PSAT1: variants seen among roughly 807,000 people sequenced by gnomAD.
The protein encoded by PSAT1 is phosphoserine aminotransferase 1, also known as phosphoserine aminotransferase.
A neutral mutation model predicts 40.3 loss-of-function variants in PSAT1; 41 were observed. The ratio of observed to expected loss-of-function variants is 1.02; its 90% confidence interval spans 0.79 to 1.32. PSAT1 has a LOEUF of 1.32. Among genes scored for constraint, PSAT1 ranks in the 40% most tolerant of loss-of-function variants. The probability of loss-of-function intolerance (pLI) is 0.00; values close to 1 mark genes in which losing one functional copy is unlikely to be tolerated. For synonymous variants in PSAT1, 147 were observed against 170.5 expected, an observed-to-expected ratio of 0.86 and a Z score of 1.07; for missense variants, 406 against 455.8, an observed-to-expected ratio of 0.89 and a Z score of 0.99.
intron 7 of PSAT1, among the ~76,000 whole-genome samples, chr9:78,319,548 T>C (rs1433743389): frequency 6.6e-6 from 1 of 152,216 alleles, no homozygotes; most frequent in Non-Finnish European, 1.5e-5. Context: ...TGTGTGAGTT[T>C]GGAGGCCAGG....
intron 7 of PSAT1, among the ~76,000 whole-genome samples, chr9:78,323,765 A>T (rs1028998645): frequency 6.6e-6 from 1 of 152,126 alleles, no homozygotes; most frequent in African/African-American, 2.4e-5. Flanking sequence ...AGATCTTCAT[A>T]TTTTTATTCT....
chr9:78,322,829 G>A (rs1828448885), intron 7 of PSAT1, among the ~76,000 whole-genome samples: 1 of 152,204 alleles, frequency 6.6e-6, no homozygotes, highest in Non-Finnish European at 1.5e-5. Context: ...AAACCCATGA[G>A]ATATGTTTTG....
intron 1 of PSAT1, chr9:78,298,337 C>A: frequency 1.0e-6 from 1 of 984,854 alleles, no homozygotes; most frequent in Non-Finnish European, 1.2e-6. Context: ...AAGTATTTTA[C>A]AATTATCAAT....
chr9:78,306,025 A>G (rs1338768587), intron 4 of PSAT1, among the ~76,000 whole-genome samples: 4 of 152,138 alleles, frequency 2.6e-5, no homozygotes, highest in East Asian at 3.9e-4. Context: ...AGCCTCCTAA[A>G]TATCTGGGAC....
chr9:78,327,598 G>A (rs548579941), intron 7 of PSAT1, among the ~76,000 whole-genome samples: 1 of 152,246 alleles, frequency 6.6e-6, no homozygotes, highest in East Asian at 1.9e-4. Context: ...ATACACCATG[G>A]TAAGTCCTTT....
intron 6 of PSAT1, among the ~76,000 whole-genome samples, chr9:78,315,157 A>T (rs75134315): frequency 0.018 from 2,786 of 152,290 alleles, 83 homozygotes; most frequent in African/African-American, 0.062. Flanking sequence ...GTGTGTGGTG[A>T]TAGCTCTGCA....
At chr9:78,319,250 G>T (rs1375492425) in intron 7 of PSAT1, among the ~76,000 whole-genome samples, 1 of 152,190 alleles carries the variant, frequency 6.6e-6, no homozygotes, top group Non-Finnish European at 1.5e-5. Context: ...CCCATGGGCG[G>T]GCAGTGCTGG....
At chr9:78,311,384 G>A (rs1010956826) in intron 6 of PSAT1, among the ~76,000 whole-genome samples, 6 of 152,152 alleles carry the variant, frequency 3.9e-5, no homozygotes. Flanking sequence ...TTTCAGAAGT[G>A]AGAAGGTGGG....
At chr9:78,325,152 G>T (rs965397306) in intron 7 of PSAT1, among the ~76,000 whole-genome samples, 1 of 152,108 alleles carries the variant, frequency 6.6e-6, no homozygotes, top group African/African-American at 2.4e-5. Context: ...CTTCAGGGCT[G>T]TGTGATCTGG....
At chr9:78,306,151 A>G (rs1828178732) in intron 4 of PSAT1, among the ~76,000 whole-genome samples, 163 bp from the exon 5 acceptor site, 1 of 152,236 alleles carries the variant, frequency 6.6e-6, no homozygotes, top group African/African-American at 2.4e-5. Flanking sequence ...AACGATGGTA[A>G]CAAAGGATGA....
At chr9:78,306,581 T>G (rs1828188001) in intron 5 of PSAT1, 95 bp downstream of exon 5, 1 of 1,503,114 alleles carries the variant, frequency 6.7e-7, no homozygotes. Context: ...CATGGGTGTT[T>G]GAGGCCTGCA....
Position 78,306,492 on chromosome 9 carries a change from G to A in PSAT1, c.570+6G>A. ...AGCCAGTGGATGTTTCCAAGGTAGA[G>A]TATAAAAGGCAGGGTGAGGGGAACC... On this transcript the variant is annotated splice_donor_region_variant and intron_variant, in intron 5 of 8. Coordinates refer to ENST00000376588, the MANE Select transcript of PSAT1 (RefSeq NM_058179.4). 1 of 1,614,212 alleles carries A rather than the reference G, an allele frequency of 6.2e-7. No individual in the cohort carries two copies.
chr9:78,300,159 C>T (rs2118621801), intron 1 of PSAT1, among the ~76,000 whole-genome samples: 1 of 152,304 alleles, frequency 6.6e-6, no homozygotes, highest in East Asian at 1.9e-4. Context: ...GCTCTTCCTT[C>T]TTCCTGCCCA....
chr9:78,325,382 C>T (rs1348170504), intron 7 of PSAT1, among the ~76,000 whole-genome samples: 2 of 152,216 alleles, frequency 1.3e-5, no homozygotes, highest in African/African-American at 2.4e-5. Context: ...CCTCATTGCT[C>T]AAGGATCCAG....
chr9:78,319,950 A>G (rs1828402435), intron 7 of PSAT1, among the ~76,000 whole-genome samples: 1 of 151,046 alleles, frequency 6.6e-6, no homozygotes, highest in African/African-American at 2.4e-5. Flanking sequence ...TCACCCACCC[A>G]TCCACCCACC....
intron 3 of PSAT1, among the ~76,000 whole-genome samples, chr9:78,303,909 C>T (rs1308188365): frequency 6.6e-6 from 1 of 152,180 alleles, no homozygotes; most frequent in Non-Finnish European, 1.5e-5. Flanking sequence ...CCTTTTGGAG[C>T]TGGGCTTATT....
At chr9:78,304,965 T>G in intron 4 of PSAT1, 25 bp downstream of exon 4, 1 of 1,607,202 alleles carries the variant, frequency 6.2e-7, no homozygotes. Flanking sequence ...CTGAGCTGGG[T>G]GGTGACGTGC....
At chr9:78,310,579 A>G (rs1462457792) in intron 6 of PSAT1, among the ~76,000 whole-genome samples, 1 of 152,054 alleles carries the variant, frequency 6.6e-6, no homozygotes, top group Non-Finnish European at 1.5e-5. Flanking sequence ...TGCTTAGGGA[A>G]AATGTCTTCT....
chr9:78,298,970 T>G (rs1383628151), intron 1 of PSAT1, among the ~76,000 whole-genome samples: 3 of 151,988 alleles, frequency 2.0e-5, no homozygotes, highest in Non-Finnish European at 4.4e-5. Context: ...GTCTGTTCTG[T>G]TTCATTAAAA....
Sources: allele counts gnomAD v4.1 joint callset (sites outside exome capture counted in the v4.1 genomes callset), GRCh38; gene constraint gnomAD v4.1.1; transcripts MANE v1.5; gene names NCBI Gene and HGNC (gene_info 2026-07-23, HGNC 2026-07-21).